BAIAP2L1: variants seen among roughly 807,000 people sequenced by gnomAD.
The protein encoded by BAIAP2L1 is BAR/IMD domain containing adaptor protein 2 like 1.
In BAIAP2L1, 35 loss-of-function variants were observed where a neutral mutation model predicts 66.3. The observed-to-expected ratio is 0.53, with a 90% CI of 0.40 to 0.70. BAIAP2L1 has a LOEUF of 0.70. Ranked by LOEUF, BAIAP2L1 falls within the 30% of genes least tolerant of loss-of-function variation. BAIAP2L1 has a pLI of 0.00. For missense variants in BAIAP2L1, 622 were observed against 656.9 expected (o/e 0.95, Z 0.58); for synonymous variants, 269 against 248.7 (o/e 1.08, Z -0.77).
intron 1 of BAIAP2L1, among the ~76,000 whole-genome samples, chr7:98,395,508 G>A (rs1055392193): frequency 6.6e-6 from 1 of 151,924 alleles, no homozygotes; most frequent in African/African-American, 2.4e-5. Context: ...TGGCACGAGG[G>A]GGACTTCAGG....
intron 7 of BAIAP2L1, 77 bp from the exon 8 acceptor site, chr7:98,312,341 C>T (rs891019034): frequency 6.9e-6 from 10 of 1,448,102 alleles, no homozygotes; most frequent in South Asian, 6.9e-5. Context: ...CACGTCATAT[C>T]GCTGATAACA....
chr7:98,384,186 T>C (rs995098404), intron 1 of BAIAP2L1, among the ~76,000 whole-genome samples: 9 of 149,356 alleles, frequency 6.0e-5, no homozygotes, highest in African/African-American at 2.2e-4. Context: ...AGAGCTCCAG[T>C]CCTTGGAAAT....
intron 2 of BAIAP2L1, among the ~76,000 whole-genome samples, chr7:98,357,052 T>A (rs1424187329): frequency 0.12 from 2,239 of 18,716 alleles, 39 homozygotes; most frequent in African/African-American, 0.13. Context: ...TATATATATT[T>A]TTTTTTTTTT....
chr7:98,361,002 G>A (rs1230801763), intron 2 of BAIAP2L1, among the ~76,000 whole-genome samples: 1 of 152,186 alleles, frequency 6.6e-6, no homozygotes, highest in Non-Finnish European at 1.5e-5. Flanking sequence ...GGTTCATGCT[G>A]AGCGAGAGTG....
At chr7:98,352,359 T>C (rs1802018238) in intron 3 of BAIAP2L1, among the ~76,000 whole-genome samples, 1 of 152,108 alleles carries the variant, frequency 6.6e-6, no homozygotes, top group African/African-American at 2.4e-5. Context: ...TACGCACAAG[T>C]GGCTGGGCAC....
rs1800009768 is a variant in BAIAP2L1 at position 98,292,517 on chromosome 7, A to G, written c.*1004T>C. 4.2e-6 allele frequency: 4 copies of G among 946,890 alleles called. No individual in the cohort carries two copies. The highest frequency in any genetic ancestry group is 4.9e-6 in the Non-Finnish European group (3 of 613,996). The allele number at this position is 946,890 out of a possible 1,614,324, so 58.7% of individuals were successfully genotyped here. ...TCCAAAATAGGTCCAGATCCTTGGC[A>G]GCCAAAGATGATTTCCAGCCCCGGG... is the stretch of plus-strand genomic sequence containing the variant. On this transcript the variant is annotated 3_prime_UTR_variant, in exon 14 of 14. Coordinates refer to ENST00000005260, the MANE Select transcript of BAIAP2L1 (RefSeq NM_018842.5).
chr7:98,307,262 C>G (rs541740691), intron 10 of BAIAP2L1: 23 of 397,078 alleles, frequency 5.8e-5, no homozygotes, highest in African/African-American at 4.3e-4. Flanking sequence ...CCTGCCACCA[C>G]GCCTGGCTAA....
intron 1 of BAIAP2L1, among the ~76,000 whole-genome samples, chr7:98,372,315 A>G (rs970254310): frequency 1.3e-5 from 2 of 152,046 alleles, no homozygotes; most frequent in Non-Finnish European, 2.9e-5. Context: ...CTGAGGCAGG[A>G]GAATTGCTTG....
chr7:98,342,075 AGAGTCTTGCT>A (rs1801755441), intron 3 of BAIAP2L1, among the ~76,000 whole-genome samples: 1 of 140,624 alleles, frequency 7.1e-6, no homozygotes, highest in Non-Finnish European at 1.5e-5. Flanking sequence ...TTATAAAGAC[AGAGTCTTGCT>A]CTGTCATCCA....
intron 12 of BAIAP2L1, among the ~76,000 whole-genome samples, chr7:98,298,482 G>T (rs971738970): frequency 2.0e-5 from 3 of 151,902 alleles, no homozygotes; most frequent in African/African-American, 7.2e-5. Flanking sequence ...GCGTAGTGGC[G>T]GGCGCCTGTA....
In BAIAP2L1 at chr7:98,400,882, G is replaced by A. The variant is rs910555670; in HGVS notation, c.-30C>T. On this transcript the variant is annotated 5_prime_UTR_variant, in exon 1 of 14. Transcript: ENST00000005260. ...GCGGCCGCCGGGCGAGCAAGCGCGG[G>A]AGGACGCGGCTGGGCCTCGTGGCCG... The A allele has an allele frequency of 2.2e-5, 33 of 1,533,752 alleles. No homozygotes were observed. The highest frequency in any genetic ancestry group is 2.8e-5 in the African/African-American group (2 of 70,718).
At chr7:98,352,081 CT>C (rs11390193) in intron 3 of BAIAP2L1, among the ~76,000 whole-genome samples, 42 of 147,986 alleles carry the variant, frequency 2.8e-4, no homozygotes, top group Middle Eastern at 3.6e-3. Flanking sequence ...TATCTTTGGT[CT>C]TTTTTTTTTT....
At chr7:98,378,363 G>A in intron 1 of BAIAP2L1, among the ~76,000 whole-genome samples, 1 of 152,146 alleles carries the variant, frequency 6.6e-6, no homozygotes, top group Admixed American at 6.6e-5. Context: ...GGTGGGAAGA[G>A]GCATTGAAAG....
At chr7:98,370,314 C>A (rs899390775) in intron 1 of BAIAP2L1, among the ~76,000 whole-genome samples, 1 of 132,602 alleles carries the variant, frequency 7.5e-6, no homozygotes, top group Non-Finnish European at 1.5e-5. Flanking sequence ...CGCGGGGTTG[C>A]AGTGAGCTGA....
At chr7:98,393,599 G>A (rs1364989993) in intron 1 of BAIAP2L1, among the ~76,000 whole-genome samples, 2 of 151,688 alleles carry the variant, frequency 1.3e-5, no homozygotes, top group Admixed American at 6.6e-5. Context: ...CTGGGTTCAC[G>A]CCATTCTCCC....
chr7:98,358,673 G>A (rs1802197077), intron 2 of BAIAP2L1, among the ~76,000 whole-genome samples: 2 of 152,174 alleles, frequency 1.3e-5, no homozygotes, highest in East Asian at 1.9e-4. Flanking sequence ...TATTTTAGTG[G>A]TTGGCCAACT....
At chr7:98,339,739 C>G (rs1026908143) in intron 3 of BAIAP2L1, among the ~76,000 whole-genome samples, 1 of 152,252 alleles carries the variant, frequency 6.6e-6, no homozygotes, top group African/African-American at 2.4e-5. Context: ...ACCCCACTCC[C>G]CAATTTGGGT....
At position 98,393,022 on chromosome 7, in the gene BAIAP2L1, T is replaced by C. The variant is rs142686293; in HGVS notation, c.51+7780A>G. Among the ~76,000 whole-genome samples, 119 of 134,468 alleles carry C rather than the reference T, an allele frequency of 8.8e-4. 16 individuals are homozygous for C. The East Asian group carries it at 0.021, about 23-fold the overall frequency. The allele number at this position is 134,468 out of a possible 152,430, so 88.2% of individuals were successfully genotyped here. The stretch of plus-strand genomic sequence containing the variant: ...TGTAATTTTTGTGTATATATATACA[T>C]ACACACATATATATACATATATACG... On this transcript the variant is annotated intron_variant, in intron 1 of 13. Coordinates refer to ENST00000005260, the MANE Select transcript of BAIAP2L1 (RefSeq NM_018842.5).
At chr7:98,378,892 G>A (rs747779331) in intron 1 of BAIAP2L1, among the ~76,000 whole-genome samples, 1 of 151,422 alleles carries the variant, frequency 6.6e-6, no homozygotes, top group African/African-American at 2.4e-5. Context: ...GTACAGTGGC[G>A]TGATCTCGGC....
Sources: gnomAD v4.1 joint callset for allele counts (sites outside exome capture counted in the v4.1 genomes callset) on GRCh38, gnomAD v4.1.1 for gene constraint, MANE v1.5 for transcripts, NCBI Gene and HGNC (gene_info 2026-07-23, HGNC 2026-07-21) for gene names.